The following BNIP3 variants were observed in gnomAD, a reference collection of about 807,000 sequenced individuals.
BNIP3 encodes BCL2 interacting protein 3, also known as BCL2/adenovirus E1B 19 kDa protein-interacting protein 3.
BNIP3 carries 16 observed loss-of-function variants against 23.9 expected under a neutral mutation model. The ratio of observed to expected loss-of-function variants is 0.67; its 90% CI spans 0.45 to 1.01. The LOEUF is 1.01. Ranked by LOEUF, BNIP3 falls within the 50% of genes least tolerant of loss-of-function variation. The probability of loss-of-function intolerance (pLI) is 0.00; values close to 1 mark genes in which losing one functional copy is unlikely to be tolerated. For synonymous variants in BNIP3, 81 were observed against 89.3 expected (o/e 0.91, Z 0.53); for missense variants, 198 against 248.7 (o/e 0.80, Z 1.37).
intron 1 of BNIP3, among the ~76,000 whole-genome samples, chr10:131,974,895 C>A (rs1019205357): frequency 1.3e-5 from 2 of 152,186 alleles, no homozygotes; most frequent in African/African-American, 4.8e-5. Flanking sequence ...GAGGCTGGAA[C>A]GCTGCTCCCG....
intron 1 of BNIP3, chr10:131,980,332 C>T (rs1351807522): frequency 1.3e-5 from 2 of 152,142 alleles, no homozygotes; most frequent in South Asian, 2.1e-4. Flanking sequence ...ATAAAAACAT[C>T]CCTTGGACTT....
chr10:131,975,620 G>A (rs1000814461), intron 1 of BNIP3, among the ~76,000 whole-genome samples: 6 of 152,144 alleles, frequency 3.9e-5, no homozygotes, highest in South Asian at 2.1e-4. Flanking sequence ...ACACACACGA[G>A]GCATCTCTCC....
At chr10:131,981,727 C>A in intron 1 of BNIP3, 34 bp downstream of exon 1, 1 of 1,463,250 alleles carries the variant, frequency 6.8e-7, no homozygotes, top group South Asian at 1.3e-5. Context: ...CCCCCCGCGC[C>A]CCCTCGGCTC....
intron 2 of BNIP3, 93 bp from the exon 3 acceptor site, chr10:131,973,211 T>G: frequency 7.8e-7 from 1 of 1,280,272 alleles, no homozygotes; most frequent in Non-Finnish European, 1.1e-6. Flanking sequence ...ACCGCCTCCG[T>G]GATGAGGGGC....
chr10:131,973,142 A>C (rs760363609), intron 2 of BNIP3, 24 bp from the exon 3 acceptor site: 84 of 1,605,730 alleles, frequency 5.2e-5, no homozygotes, highest in Non-Finnish European at 7.0e-5. Flanking sequence ...ATAGAATGGG[A>C]AAAACAGAAC....
intron 3 of BNIP3, among the ~76,000 whole-genome samples, chr10:131,971,999 T>C (rs1183149128): frequency 2.0e-5 from 3 of 150,432 alleles, no homozygotes; most frequent in Non-Finnish European, 2.9e-5. Flanking sequence ...ACACAGTCCG[T>C]CGTCAAAGTT....
At chr10:131,968,690 C>A in intron 5 of BNIP3, 121 bp from the exon 6 acceptor site, 2 of 737,454 alleles carry the variant, frequency 2.7e-6, no homozygotes, top group Non-Finnish European at 4.5e-6. Context: ...GATTTTATAC[C>A]CATTATAAAA....
At chr10:131,973,209 C>A in intron 2 of BNIP3, 91 bp from the exon 3 acceptor site, 1 of 1,296,638 alleles carries the variant, frequency 7.7e-7, no homozygotes. Flanking sequence ...GAACCGCCTC[C>A]GTGATGAGGG....
intron 3 of BNIP3, among the ~76,000 whole-genome samples, chr10:131,972,378 C>CA (rs1299223876): frequency 3.3e-5 from 5 of 151,720 alleles, no homozygotes; most frequent in African/African-American, 7.3e-5. Context: ...CCCGTCTCTA[C>CA]AAAAAAAACT....
At position 131,970,616 on chromosome 10, in the gene BNIP3, G is replaced by A. The variant is rs369161753; in HGVS notation, c.539+22C>T. 5.0e-6 allele frequency: 8 copies of A among 1,611,770 alleles called. No individual in the cohort carries two copies. The highest frequency in any genetic ancestry group is 1.7e-5 in the Admixed American group (1 of 59,904). On this transcript the variant is annotated intron_variant, in intron 5 of 5. Transcript: ENST00000368636. This position sits in a 1 kb window ranked among gnomAD's most constrained non-coding sequence, Gnocchi z 4.1. ...CGCCCCACGACATGCCATGACAGGAGTCACACAGTCACATCACCTACCCCA... is the reference window on the plus strand; with the variant it reads ...CGCCCCACGACATGCCATGACAGGAATCACACAGTCACATCACCTACCCCA...
At chr10:131,980,936 C>A (rs560634979) in intron 1 of BNIP3, 2 of 151,918 alleles carry the variant, frequency 1.3e-5, no homozygotes, top group Non-Finnish European at 2.9e-5. Context: ...AGCAAAGGCT[C>A]GTCTGGACTC....
chr10:131,975,472 G>A (rs2037072746), intron 1 of BNIP3, among the ~76,000 whole-genome samples: 1 of 152,170 alleles, frequency 6.6e-6, no homozygotes, highest in South Asian at 2.1e-4. Flanking sequence ...TATAATTTTA[G>A]TAAGCAGAAT....
Position 131,970,955 on chromosome 10 carries a change from T to C in BNIP3, c.298A>G (p.Ile100Val), listed in dbSNP as rs904722588. 6.2e-7 allele frequency: 1 copy of C among 1,613,934 alleles called. No individual in the cohort carries two copies. The highest frequency in any genetic ancestry group is 8.5e-7 in the Non-Finnish European group (1 of 1,180,000). ...CTTTCAACTTCTTTCCTTCTTTCAATATCATCTTCCTCAGACTAAGATAAA... is the reference window on the plus strand; with the variant it reads ...CTTTCAACTTCTTTCCTTCTTTCAACATCATCTTCCTCAGACTAAGATAAA... The part of the protein sequence containing the change: ...KNSSQSEEDD[I>V]ERRKEVESIL... The change falls in exon 4 of 6, where the codon ATT becomes GTT. Residue 100 changes from isoleucine (I) to valine (V), a missense_variant. Coordinates refer to ENST00000368636, the MANE Select transcript of BNIP3 (RefSeq NM_004052.4). The surrounding 1 kb of genome is among the most constrained non-coding windows in gnomAD (Gnocchi z 4.1).
rs1451449630 is a variant in BNIP3 at position 131,970,882 on chromosome 10, G to A, written c.371C>T (p.Pro124Leu). ...SDWIWDWSSR[P>L]ENIPPKEFLF... ...CACTCACTTGGGGGGAATATTTTCCGGCCGACTTGACCAATCCCATATCCA... is the reference window on the plus strand; with the variant it reads ...CACTCACTTGGGGGGAATATTTTCCAGCCGACTTGACCAATCCCATATCCA... Residue 124 changes from proline (P) to leucine (L), a missense_variant, in exon 4 of 6, where the codon CCG becomes CTG. By Grantham distance (98) the Pro-to-Leu change is moderately conservative. Transcript: ENST00000368636. This position sits in a 1 kb window ranked among gnomAD's most constrained non-coding sequence, Gnocchi z 4.1. 10 of 1,614,046 alleles carry A rather than the reference G, an allele frequency of 6.2e-6. No homozygotes were observed. The highest frequency in any genetic ancestry group is 4.5e-5 in the East Asian group (2 of 44,888).
Position 131,976,025 on chromosome 10 carries a change from T to G in BNIP3, c.47-2082A>C, listed in dbSNP as rs985867196. On this transcript the variant is annotated intron_variant, in intron 1 of 5. Coordinates refer to ENST00000368636, the MANE Select transcript of BNIP3 (RefSeq NM_004052.4). This position sits in a 1 kb window ranked among gnomAD's most constrained non-coding sequence, Gnocchi z 4.3. ...AGCCGCTCATCTGACCAGACAGTAT[T>G]GCCAAGTACTCTGATGTTCACTAGC... 1.3e-5 allele frequency among the ~76,000 whole-genome samples: 2 copies of G among 152,180 alleles called. No homozygotes were observed. The highest frequency in any genetic ancestry group is 4.8e-5 in the African/African-American group (2 of 41,450).
chr10:131,981,583 GC>G (rs1236609115), intron 1 of BNIP3, among the ~76,000 whole-genome samples, 177 bp downstream of exon 1: 1 of 152,210 alleles, frequency 6.6e-6, no homozygotes, highest in Non-Finnish European at 1.5e-5. Context: ...GGGTCCCCAC[GC>G]CCCGGGCTCC....
At chr10:131,969,733 G>C (rs1176069362) in intron 5 of BNIP3, 1 of 152,298 alleles carries the variant, frequency 6.6e-6, no homozygotes, top group Non-Finnish European at 1.5e-5. Context: ...CTGCACGCCA[G>C]GACTAGAGCC....
In BNIP3 at chr10:131,970,045, G is replaced by A. The variant is rs1201021270; in HGVS notation, c.539+593C>T. On this transcript the variant is annotated intron_variant, in intron 5 of 5. Coordinates refer to ENST00000368636, the MANE Select transcript of BNIP3 (RefSeq NM_004052.4). This position sits in a 1 kb window ranked among gnomAD's most constrained non-coding sequence, Gnocchi z 4.1. ...AATACAAAAATTAGCCAGGCCTGGT[G>A]GTGGGCACCTGTAATCCCAGCTACC... 2.0e-5 allele frequency: 3 copies of A among 152,652 alleles called. No individual in the cohort carries two copies. The highest frequency in any genetic ancestry group is 7.2e-5 in the African/African-American group (3 of 41,454). The allele number at this position is 152,652 out of a possible 1,614,324, so 9.5% of individuals were successfully genotyped here.
chr10:131,970,889 T>C lies in BNIP3; in HGVS notation c.364A>G (p.Ser122Gly), dbSNP rs1199436984. 1.9e-6 allele frequency: 3 copies of C among 1,614,280 alleles called. No individual in the cohort carries two copies. Among genetic ancestry groups the C allele is most frequent in the Non-Finnish European group, 2.5e-6 (3 of 1,180,046 alleles). The stretch of plus-strand genomic sequence containing the variant: ...TTGGGGGGAATATTTTCCGGCCGAC[T>C]TGACCAATCCCATATCCAATCTGAG... ...KNSDWIWDWS[S>G]RPENIPPKEF... Residue 122 changes from serine (S) to glycine (G), a missense_variant, in exon 4 of 6, where the codon AGT becomes GGT. Physicochemically the swap from Ser to Gly is moderately conservative, Grantham distance 56. Transcript: ENST00000368636. This position sits in a 1 kb window ranked among gnomAD's most constrained non-coding sequence, Gnocchi z 4.1.
Sources: gnomAD v4.1 joint callset for allele counts (sites outside exome capture counted in the v4.1 genomes callset) on GRCh38, gnomAD v4.1.1 for gene constraint, Gnocchi (gnomAD v3.1) non-coding constraint, MANE v1.5 for transcripts, NCBI Gene and HGNC (gene_info 2026-07-23, HGNC 2026-07-21) for gene names.